CMBL: variants seen among roughly 807,000 people sequenced by gnomAD.
The protein encoded by CMBL is carboxymethylenebutenolidase homolog, also known as carboxymethylenebutenolidase homolog (Pseudomonas).
In CMBL, 17 loss-of-function variants were observed where a neutral mutation model predicts 28.7. That is an observed-to-expected ratio of 0.59 (90% CI 0.41 to 0.89). The LOEUF (loss-of-function observed/expected upper bound fraction) is 0.89. CMBL is among the 40% of genes least tolerant of loss of function. The pLI, the probability that CMBL is intolerant of heterozygous loss-of-function variation, is 0.00. For missense variants in CMBL, 310 were observed against 298.5 expected (o/e 1.04, Z -0.28); for synonymous variants, 106 against 101.6 (o/e 1.04, Z -0.26).
chr5:10,277,740 G>T lies in CMBL; in HGVS notation c.*2713C>A, dbSNP rs1185471044. Among the ~76,000 whole-genome samples the T allele has an allele frequency of 2.6e-5, 4 of 152,004 alleles. No individual in the cohort carries two copies. Among genetic ancestry groups the T allele is most frequent in the African/African-American group, 9.7e-5 (4 of 41,346 alleles). ...AGAACATATCTTTTTAAAGAAGTAC[G>T]TGTGTGACTTACATTATACTTCTAT... On this transcript the variant is annotated 3_prime_UTR_variant, in exon 6 of 6. Transcript: ENST00000296658.
chr5:10,285,533 A>G (rs1746583391), intron 4 of CMBL, among the ~76,000 whole-genome samples: 1 of 152,050 alleles, frequency 6.6e-6, no homozygotes, highest in African/African-American at 2.4e-5. Flanking sequence ...CCTGGGCTCA[A>G]GCCATCTGCC....
Position 10,280,458 on chromosome 5 carries a change from T to G in CMBL, c.733A>C (p.Met245Leu), listed in dbSNP as rs182773279. The part of the protein sequence containing the change: ...RNLIEWLNKY[M>L] ...AGGCTTGCCCTTGATTCTTGCTACA[T>G]GTACTTGTTCAGCCACTCAATTAAA... The change falls in exon 6 of 6, where the codon ATG (methionine) becomes CTG (leucine). Residue 245 changes from methionine (M) to leucine (L), a missense_variant. Physicochemically the swap from Met to Leu is conservative, Grantham distance 15. Coordinates refer to ENST00000296658, the MANE Select transcript of CMBL (RefSeq NM_138809.4). The G allele has an allele frequency of 4.2e-4, 664 of 1,591,758 alleles. 4 individuals carry two copies. The highest frequency in any genetic ancestry group is 2.5e-4 in the Non-Finnish European group (293 of 1,163,014).
chr5:10,285,667 T>C (rs1418309935), intron 4 of CMBL, among the ~76,000 whole-genome samples: 1 of 117,422 alleles, frequency 8.5e-6, no homozygotes, highest in African/African-American at 3.5e-5. Flanking sequence ...CTTGGAAAAA[T>C]CAGTCTTTCT....
chr5:10,287,861 T>A (rs1746633638), intron 3 of CMBL, among the ~76,000 whole-genome samples: 1 of 151,164 alleles, frequency 6.6e-6, no homozygotes, highest in African/African-American at 2.4e-5. Context: ...CAGGCGTGCG[T>A]CATGACACCC....
intron 1 of CMBL, among the ~76,000 whole-genome samples, chr5:10,295,529 A>C (rs1314818404): frequency 6.6e-6 from 1 of 152,236 alleles, no homozygotes; most frequent in African/African-American, 2.4e-5. Context: ...TTGAAACCCT[A>C]ATTCCAGTGG....
At chr5:10,283,680 G>A (rs533817621) in intron 4 of CMBL, among the ~76,000 whole-genome samples, 79 of 152,260 alleles carry the variant, frequency 5.2e-4, no homozygotes, top group African/African-American at 1.9e-3. Flanking sequence ...CAGGAGAATT[G>A]CTTGGACCCA....
chr5:10,305,522 A>G (rs375764812), intron 1 of CMBL, among the ~76,000 whole-genome samples: 124 of 151,794 alleles, frequency 8.2e-4, no homozygotes, highest in African/African-American at 2.9e-3. Flanking sequence ...TCCCTCTGGA[A>G]AATTACACAT....
rs146500458 is a variant in CMBL at position 10,302,715 on chromosome 5, C to T, written c.-20+4910G>A. Among the ~76,000 whole-genome samples the T allele has an allele frequency of 6.8e-3, 1,042 of 152,190 alleles. 10 individuals carry two copies. The highest frequency in any genetic ancestry group is 0.024 in the African/African-American group (1,000 of 41,536). ...ATTCAAACAGAGGTCTCAAGACTGA[C>T]GAAACAGACTTTTTGTAGAAATAAG... is the stretch of plus-strand genomic sequence containing the variant. On this transcript the variant is annotated intron_variant, in intron 1 of 5. Transcript: ENST00000296658.
At chr5:10,282,022 C>CG (rs1554013252) in intron 5 of CMBL, among the ~76,000 whole-genome samples, 175 bp downstream of exon 5, 6,448 of 151,808 alleles carry the variant, frequency 0.042, 432 homozygotes, top group African/African-American at 0.15. Context: ...TACCCAGGTG[C>CG]GGTGGTGGGC....
intron 1 of CMBL, among the ~76,000 whole-genome samples, chr5:10,299,710 A>T (rs1269642565): frequency 2.6e-5 from 4 of 151,468 alleles, no homozygotes; most frequent in Non-Finnish European, 5.9e-5. Context: ...TTAGCCAGGC[A>T]TGGTGGTGTG....
At chr5:10,307,338 C>G (rs1747017188) in intron 1 of CMBL, 1 of 152,214 alleles carries the variant, frequency 6.6e-6, no homozygotes, top group African/African-American at 2.4e-5. Context: ...AGTTTGCATA[C>G]GGTGTGATTT....
At chr5:10,301,416 C>G (rs1432099021) in intron 1 of CMBL, among the ~76,000 whole-genome samples, 2 of 151,694 alleles carry the variant, frequency 1.3e-5, no homozygotes, top group Admixed American at 6.6e-5. Flanking sequence ...CATTTGACAC[C>G]ATTTCAGAAA....
intron 4 of CMBL, among the ~76,000 whole-genome samples, chr5:10,284,700 A>T (rs960166347): frequency 5.3e-5 from 8 of 152,240 alleles, no homozygotes; most frequent in African/African-American, 1.9e-4. Flanking sequence ...GGTGAGGTGG[A>T]TTAAATGCAT....
chr5:10,286,703 G>A (rs958243044), intron 3 of CMBL, among the ~76,000 whole-genome samples: 4 of 152,120 alleles, frequency 2.6e-5, no homozygotes, highest in African/African-American at 9.7e-5. Context: ...TCCTCCAACT[G>A]CCTGACAGCT....
chr5:10,292,690 G>T (rs1746747112), intron 1 of CMBL, among the ~76,000 whole-genome samples: 1 of 152,020 alleles, frequency 6.6e-6, no homozygotes, highest in Non-Finnish European at 1.5e-5. Flanking sequence ...CGGGTGTGGT[G>T]GCAGGCGCCT....
chr5:10,280,599 A>G lies in CMBL; in HGVS notation c.592T>C (p.Cys198Arg), dbSNP rs749578896. ...SLLTQKLKEH[C>R]KVEYQIKTFS... is the part of the protein sequence containing the mutation. ...GTTTTAATTTGATATTCAACTTTGC[A>G]GTGTTCTTTCAACTTCTGAGTCAGC... The change falls in exon 6 of 6, where the codon TGC becomes CGC. Residue 198 changes from cysteine to arginine, a missense_variant. Cys to Arg is a radical substitution (Grantham distance 180, BLOSUM62 -3). Transcript: ENST00000296658. The G allele has an allele frequency of 5.6e-6, 9 of 1,610,730 alleles. No individual in the cohort carries two copies. In the East Asian group the frequency reaches 2.0e-4, roughly 36 times the overall value.
chr5:10,286,863 C>A (rs949129042), intron 3 of CMBL, among the ~76,000 whole-genome samples: 7 of 152,186 alleles, frequency 4.6e-5, no homozygotes, highest in African/African-American at 1.7e-4. Context: ...CTGCAGAGTG[C>A]CCCAGTCTTC....
Position 10,280,629 on chromosome 5 carries a change from A to AC in CMBL, c.561_562insG (p.Ser188ValfsTer14). 1 of 1,597,434 alleles carries AC rather than the reference A, an allele frequency of 6.3e-7. No individual in the cohort carries two copies. Among genetic ancestry groups the AC allele is most frequent in the Non-Finnish European group, 8.6e-7 (1 of 1,166,290 alleles). ...TCTTTCAACTTCTGAGTCAGCAAAG[A>AC]TACCTGGTGTGCAAAAGATTTCATG... On this transcript the variant is annotated frameshift_variant, in exon 6 of 6. Transcript: ENST00000296658. LOFTEE classifies it high-confidence loss of function.
chr5:10,286,529 G>A lies in CMBL; in HGVS notation c.324-33C>T, dbSNP rs763442330. On this transcript the variant is annotated intron_variant, in intron 3 of 5. Transcript: ENST00000296658. ...AGAAAGAAAAAATATTCAAGAATCA[G>A]GCTTATTTTGTGAACCCCTCAAAGA... 21 of 1,600,376 alleles carry A rather than the reference G, an allele frequency of 1.3e-5. No homozygotes were observed. In the African/African-American group the frequency reaches 2.4e-4, roughly 18 times the overall value.
Sources: gnomAD v4.1 joint callset for allele counts (sites outside exome capture counted in the v4.1 genomes callset) on GRCh38, gnomAD v4.1.1 for gene constraint, MANE v1.5 for transcripts, NCBI Gene and HGNC (gene_info 2026-07-23, HGNC 2026-07-21) for gene names.